Variants in FAM135B observed in about 807,000 individuals in gnomAD.
FAM135B encodes the protein protein FAM135B.
Under a neutral mutation model 127.7 loss-of-function variants are expected in FAM135B, and 43 were observed. The ratio of observed to expected loss-of-function variants is 0.34; its 90% CI spans 0.26 to 0.43. The LOEUF (loss-of-function observed/expected upper bound fraction) is 0.43, where lower values mean the gene tolerates loss of function less well. Ranked by LOEUF, FAM135B falls within the 20% of genes least tolerant of loss-of-function variation. FAM135B has a pLI of 1.00. For missense variants in FAM135B, 1,558 were observed against 1,725.6 expected (o/e 0.90, Z 1.72); for synonymous variants, 670 against 665.1 (o/e 1.01, Z -0.11).
chr8:138,279,523 G>T (rs181815086), intron 3 of FAM135B, among the ~76,000 whole-genome samples: 1 of 152,180 alleles, frequency 6.6e-6, no homozygotes, highest in Non-Finnish European at 1.5e-5. Flanking sequence ...AGCTGCACAG[G>T]CTCTGACTCA....
intron 2 of FAM135B, among the ~76,000 whole-genome samples, chr8:138,337,839 T>C (rs113445502): frequency 1.3e-5 from 2 of 152,178 alleles, no homozygotes; most frequent in African/African-American, 2.4e-5. Context: ...GGAGGCATCA[T>C]GCTACCTGAC....
At chr8:138,158,674 AAC>A (rs1819035212) in intron 12 of FAM135B, among the ~76,000 whole-genome samples, 1 of 152,228 alleles carries the variant, frequency 6.6e-6, no homozygotes, top group African/African-American at 2.4e-5. Flanking sequence ...TTATGCAGCC[AAC>A]AGACACATGA....
intron 3 of FAM135B, among the ~76,000 whole-genome samples, chr8:138,275,328 A>G (rs755676320): frequency 4.3e-4 from 66 of 152,288 alleles, no homozygotes; most frequent in Non-Finnish European, 8.1e-4. Context: ...TCAATATTGC[A>G]TACTGAAAAC....
intron 1 of FAM135B, among the ~76,000 whole-genome samples, chr8:138,370,347 G>C (rs1587262409): frequency 6.6e-6 from 1 of 152,144 alleles, no homozygotes; most frequent in African/African-American, 2.4e-5. Flanking sequence ...TTCTTGGTGG[G>C]AAATTGCCTT....
At chr8:138,439,552 T>G (rs2131540363) in intron 1 of FAM135B, 1 of 152,222 alleles carries the variant, frequency 6.6e-6, no homozygotes, top group Non-Finnish European at 1.5e-5. Context: ...GGGTTTCCCT[T>G]TGACTGGAGT....
At chr8:138,144,726 C>T (rs1817514312) in intron 15 of FAM135B, among the ~76,000 whole-genome samples, 1 of 152,104 alleles carries the variant, frequency 6.6e-6, no homozygotes, top group Non-Finnish European at 1.5e-5. Context: ...ACTGAGTGGC[C>T]AACTCCTGCA....
At chr8:138,315,481 A>C (rs1435748997) in intron 2 of FAM135B, among the ~76,000 whole-genome samples, 1 of 152,190 alleles carries the variant, frequency 6.6e-6, no homozygotes, top group Non-Finnish European at 1.5e-5. Flanking sequence ...GTATACCAAC[A>C]GGACGTCAAA....
At chr8:138,179,041 AT>A (rs753055679) in intron 9 of FAM135B, among the ~76,000 whole-genome samples, 37 of 152,222 alleles carry the variant, frequency 2.4e-4, no homozygotes, top group Admixed American at 9.8e-4. Flanking sequence ...TTACTCTTAG[AT>A]TTCCATAAAC....
At chr8:138,413,097 A>T (rs1833952605) in intron 1 of FAM135B, among the ~76,000 whole-genome samples, 1 of 152,146 alleles carries the variant, frequency 6.6e-6, no homozygotes, top group Admixed American at 6.5e-5. Flanking sequence ...CTATATTTTT[A>T]TTTTGTTCTT....
chr8:138,423,117 G>C (rs71532168), intron 1 of FAM135B, among the ~76,000 whole-genome samples: 1 of 152,140 alleles, frequency 6.6e-6, no homozygotes, highest in South Asian at 2.1e-4. Flanking sequence ...GCTTACATGA[G>C]GGTAGAGAGT....
At chr8:138,274,834 A>G (rs1453772289) in intron 3 of FAM135B, among the ~76,000 whole-genome samples, 2 of 152,050 alleles carry the variant, frequency 1.3e-5, no homozygotes, top group Non-Finnish European at 2.9e-5. Context: ...CGGCGGTCAG[A>G]GTTTAAGGTT....
chr8:138,141,365 A>G lies in FAM135B; in HGVS notation c.3639-16T>C, dbSNP rs759398766. The G allele has an allele frequency of 6.2e-7, 1 of 1,613,848 alleles. No individual in the cohort carries two copies. On this transcript the variant is annotated splice_polypyrimidine_tract_variant and intron_variant, in intron 16 of 19. Transcript: ENST00000395297. The surrounding 1 kb of genome is among the most constrained non-coding windows in gnomAD (Gnocchi z 4.7). ...GCCAATGAAGCTGTGGAGAAACAGA[A>G]GGGGTACCCATGAGTGTGACGGTGA...
intron 7 of FAM135B, among the ~76,000 whole-genome samples, chr8:138,203,020 A>G (rs1445859604): frequency 6.6e-6 from 1 of 152,230 alleles, no homozygotes; most frequent in Non-Finnish European, 1.5e-5. Flanking sequence ...AAGTCAGGAT[A>G]AAGTTAGTTA....
intron 2 of FAM135B, among the ~76,000 whole-genome samples, chr8:138,336,958 C>G (rs1169948899): frequency 6.8e-6 from 1 of 147,544 alleles, no homozygotes; most frequent in Non-Finnish European, 1.5e-5. Context: ...TCAACATAGG[C>G]AAATCAATAA....
chr8:138,140,875 T>C (rs1817081425), intron 17 of FAM135B, among the ~76,000 whole-genome samples: 1 of 152,210 alleles, frequency 6.6e-6, no homozygotes, highest in Non-Finnish European at 1.5e-5. Context: ...AGGTTTGTCA[T>C]GCAGGTGGCC....
chr8:138,337,285 G>C (rs1356438805), intron 2 of FAM135B, among the ~76,000 whole-genome samples: 1 of 151,056 alleles, frequency 6.6e-6, no homozygotes, highest in Admixed American at 6.6e-5. Context: ...AGGAAATAAA[G>C]GGTATTCAAT....
chr8:138,177,488 T>A (rs1363287867), intron 10 of FAM135B, 68 bp from the exon 11 acceptor site: 2 of 1,320,124 alleles, frequency 1.5e-6, no homozygotes, highest in African/African-American at 1.5e-5. Context: ...TCTTTTTTTT[T>A]AATTGAGGCT....
At chr8:138,279,894 G>A (rs1824126534) in intron 3 of FAM135B, among the ~76,000 whole-genome samples, 1 of 152,158 alleles carries the variant, frequency 6.6e-6, no homozygotes, top group Non-Finnish European at 1.5e-5. Context: ...TGCTCAAAAA[G>A]TTGCCAAATG....
chr8:138,147,589 CAG>C (rs1392115630), intron 14 of FAM135B, among the ~76,000 whole-genome samples: 4 of 152,134 alleles, frequency 2.6e-5, no homozygotes, highest in African/African-American at 9.7e-5. Flanking sequence ...GAAAATTCTG[CAG>C]AGTTTAGACA....
Sources: allele counts gnomAD v4.1 joint callset (sites outside exome capture counted in the v4.1 genomes callset), GRCh38; gene constraint gnomAD v4.1.1; non-coding constraint Gnocchi (gnomAD v3.1); transcripts MANE v1.5; gene names NCBI Gene and HGNC (gene_info 2026-07-23, HGNC 2026-07-21).